Variants in AARS2 observed in about 807,000 individuals in gnomAD.
AARS2 encodes alanyl-tRNA synthetase 2, mitochondrial.
AARS2 carries 78 observed loss-of-function variants against 119.7 expected under a neutral mutation model. The ratio of observed to expected loss-of-function variants is 0.65; its 90% confidence interval spans 0.54 to 0.79. The LOEUF (loss-of-function observed/expected upper bound fraction) is 0.79, where lower values mean the gene tolerates loss of function less well. Ranked by LOEUF, AARS2 falls within the 30% of genes least tolerant of loss-of-function variation. The probability of loss-of-function intolerance (pLI) is 0.00; values close to 1 mark genes in which losing one functional copy is unlikely to be tolerated. For synonymous variants in AARS2, 502 were observed against 526.3 expected (o/e 0.95, Z 0.63); for missense variants, 1,157 against 1,291.3 (o/e 0.90, Z 1.59).
At chr6:44,306,436 AG>A in intron 8 of AARS2, 45 bp from the exon 9 acceptor site, 1 of 1,613,872 alleles carries the variant, frequency 6.2e-7, no homozygotes, top group Non-Finnish European at 8.5e-7. Context: ...CCTTGGAAGG[AG>A]GGTCTCTCTC....
rs756151860 is a variant in AARS2 at position 44,311,147 on chromosome 6, C to G, written c.596G>C (p.Arg199Pro). 6.2e-7 allele frequency: 1 copy of G among 1,614,006 alleles called. No homozygotes were observed. The change falls in exon 4 of 22, where the codon CGT becomes CCT. Residue 199 changes from arginine (R) to proline (P), a missense_variant. Arg to Pro is a moderately radical substitution (Grantham distance 103, BLOSUM62 -2). Transcript: ENST00000244571. ...CTCTTGTGGTCCAAAGGAAAGCACA[C>G]GGCTAGCAGGCACCCTGGGGAGAAA... ...IWLSLGVPAS[R>P]VLSFGPQENF...
Position 44,302,405 on chromosome 6 carries a change from C to T in AARS2, c.2473G>A (p.Gly825Arg). ...GTGGCCCTCACTTCAATGAGTCGTC[C>T]TATGTCCTTGGACAGCCTCAGTGCC... ...AEALRLSKDIGRLIEAVETAV... is the reference protein window; with the variant it reads ...AEALRLSKDIRRLIEAVETAV... The change falls in exon 18 of 22, where the codon GGA becomes AGA. Residue 825 changes from glycine (G) to arginine (R), a missense_variant. By Grantham distance (125) the Gly-to-Arg change is moderately radical. Transcript: ENST00000244571. The T allele has an allele frequency of 6.2e-7, 1 of 1,614,132 alleles. No individual in the cohort carries two copies. The highest frequency in any genetic ancestry group is 8.5e-7 in the Non-Finnish European group (1 of 1,180,014).
In AARS2 at chr6:44,302,050, C is replaced by T. The variant is rs748931933; in HGVS notation, c.2598+10G>A. ...TCTGGGCACATGGGTGCAGCCAAAC[C>T]TCCTCTCACCTGTCCCATTTGCAGC... On this transcript the variant is annotated intron_variant, in intron 19 of 21. Transcript: ENST00000244571. 1.7e-5 allele frequency: 28 copies of T among 1,613,512 alleles called. No individual in the cohort carries two copies. Among genetic ancestry groups the T allele is most frequent in the Non-Finnish European group, 2.1e-5 (25 of 1,179,822 alleles).
In AARS2 at chr6:44,305,275, C is replaced by G. The variant is rs1352373699; in HGVS notation, c.1435-77G>C. 6.3e-6 allele frequency: 10 copies of G among 1,583,974 alleles called. No homozygotes were observed. The highest frequency in any genetic ancestry group is 7.7e-6 in the Non-Finnish European group (9 of 1,167,334). The stretch of plus-strand genomic sequence containing the variant: ...AAGTGGGACTTCAGCCTCGCAGGGC[C>G]CTGTCCCTGCCACACAGCTGTGGAC... On this transcript the variant is annotated intron_variant, in intron 10 of 21. Coordinates refer to ENST00000244571, the MANE Select transcript of AARS2 (RefSeq NM_020745.4). This position sits in a 1 kb window ranked among gnomAD's most constrained non-coding sequence, Gnocchi z 4.6.
At chr6:44,310,578 C>A in intron 4 of AARS2, 135 bp from the exon 5 acceptor site, 1 of 1,139,318 alleles carries the variant, frequency 8.8e-7, no homozygotes, top group Non-Finnish European at 1.3e-6. Flanking sequence ...CAGTATCTTC[C>A]CCTGCCACCC....
In AARS2 at chr6:44,305,708, T is replaced by C. The variant is rs757878395; in HGVS notation, c.1379A>G (p.Lys460Arg). ...TCCAGCGGAGTCTAGCTGGACCCCTTTCTCCTCCAGCATCAGCTCTACCAT... is the reference window on the plus strand; with the variant it reads ...TCCAGCGGAGTCTAGCTGGACCCCTCTCTCCTCCAGCATCAGCTCTACCAT... ...LDMVELMLEEKGVQLDSAGLE... is the reference protein window; with the variant it reads ...LDMVELMLEERGVQLDSAGLE... The change falls in exon 10 of 22, where the codon AAA (lysine) becomes AGA (arginine). Residue 460 changes from lysine (K) to arginine (R), a missense_variant. Lys to Arg is a conservative substitution (Grantham distance 26, BLOSUM62 2). Transcript: ENST00000244571. The surrounding 1 kb of genome is among the most constrained non-coding windows in gnomAD (Gnocchi z 4.6). 3.7e-6 allele frequency: 6 copies of C among 1,614,088 alleles called. No individual in the cohort carries two copies. The Admixed American group carries it at 5.0e-5, about 13-fold the overall frequency.
In AARS2 at chr6:44,301,268, T is replaced by C; in HGVS notation, c.2683-2A>G. The stretch of plus-strand genomic sequence containing the variant: ...CTGCCGTACCACCTTCACCAGCACC[T>C]GGACCACGAAAGACAGATGGTGAGC... On this transcript the variant is annotated splice_acceptor_variant, in intron 20 of 21. Transcript: ENST00000244571. LOFTEE classifies it high-confidence loss of function. 6.2e-7 allele frequency: 1 copy of C among 1,613,936 alleles called. No homozygotes were observed. The highest frequency in any genetic ancestry group is 8.5e-7 in the Non-Finnish European group (1 of 1,179,974).
Position 44,311,165 on chromosome 6 carries a change from G to A in AARS2, c.582-4C>T. On this transcript the variant is annotated splice_polypyrimidine_tract_variant and splice_region_variant and intron_variant, in intron 3 of 21. Coordinates refer to ENST00000244571, the MANE Select transcript of AARS2 (RefSeq NM_020745.4). Reference sequence around the variant, plus strand: ...AAGCACACGGCTAGCAGGCACCCTGGGGAGAAAAGCAGGTGAGTGGTGGGA... The same window carrying A: ...AAGCACACGGCTAGCAGGCACCCTGAGGAGAAAAGCAGGTGAGTGGTGGGA... 1 of 1,614,068 alleles carries A rather than the reference G, an allele frequency of 6.2e-7. No individual in the cohort carries two copies. The highest frequency in any genetic ancestry group is 8.5e-7 in the Non-Finnish European group (1 of 1,180,030).
Position 44,307,096 on chromosome 6 carries a change from G to A in AARS2, c.1041-65C>T. ...TCATGGTCAGCAATATGGGGAGTGG[G>A]AAGGACGAGGTCCAGTGTGTGCTCC... On this transcript the variant is annotated intron_variant, in intron 6 of 21. Coordinates refer to ENST00000244571, the MANE Select transcript of AARS2 (RefSeq NM_020745.4). This position sits in a 1 kb window ranked among gnomAD's most constrained non-coding sequence, Gnocchi z 4.4. The A allele has an allele frequency of 6.3e-7, 1 of 1,598,486 alleles. No homozygotes were observed. The highest frequency in any genetic ancestry group is 8.6e-7 in the Non-Finnish European group (1 of 1,168,074).
At position 44,302,496 on chromosome 6, in the gene AARS2, C is replaced by G. The variant is rs1785444203; in HGVS notation, c.2382G>C (p.Gln794His). Reference protein sequence around the residue: ...EQAQQARELGQSLAQEVKAAT... With the variant: ...EQAQQARELGHSLAQEVKAAT... ...CCGCTTTCACTTCCTGGGCCAGGCT[C>G]TGGCCTAGCTCTCGGGCCTGCAGGG... Residue 794 changes from glutamine to histidine, a missense_variant, in exon 18 of 22, where the codon CAG becomes CAC. Gln to His is a conservative substitution (Grantham distance 24). Transcript: ENST00000244571. 6.2e-7 allele frequency: 1 copy of G among 1,614,076 alleles called. No individual in the cohort carries two copies. The highest frequency in any genetic ancestry group is 8.5e-7 in the Non-Finnish European group (1 of 1,180,020).
Position 44,307,197 on chromosome 6 carries a change from C to T in AARS2, c.1040+52G>A, listed in dbSNP as rs545525777. ...CACCTCTCCTGTTCCCTCCCTCCTC[C>T]ACCTGAGACCCCCAGCAGCCCCTGT... is the stretch of plus-strand genomic sequence containing the variant. On this transcript the variant is annotated intron_variant, in intron 6 of 21. Coordinates refer to ENST00000244571, the MANE Select transcript of AARS2 (RefSeq NM_020745.4). The surrounding 1 kb of genome is among the most constrained non-coding windows in gnomAD (Gnocchi z 4.4). 6 of 1,612,920 alleles carry T rather than the reference C, an allele frequency of 3.7e-6. No homozygotes were observed. The South Asian group carries it at 4.4e-5, about 12-fold the overall frequency.
At chr6:44,309,979 C>T (rs1484922966) in intron 5 of AARS2, among the ~76,000 whole-genome samples, 1 of 152,178 alleles carries the variant, frequency 6.6e-6, no homozygotes, top group South Asian at 2.1e-4. Context: ...TATTGATTGT[C>T]TATCTCTCAT....
chr6:44,306,622 C>A, intron 7 of AARS2, 90 bp from the exon 8 acceptor site: 1 of 1,463,360 alleles, frequency 6.8e-7, no homozygotes, highest in Admixed American at 1.7e-5. Flanking sequence ...GACACCTGCC[C>A]TGGAGGCTCA....
Position 44,305,281 on chromosome 6 carries a change from C to T in AARS2, c.1435-83G>A, listed in dbSNP as rs1015737896. The T allele has an allele frequency of 2.8e-5, 45 of 1,579,306 alleles. No homozygotes were observed. Among genetic ancestry groups the T allele is most frequent in the Non-Finnish European group, 3.8e-5 (44 of 1,163,168 alleles). ...GACTTCAGCCTCGCAGGGCCCTGTC[C>T]CTGCCACACAGCTGTGGACTCTGCA... On this transcript the variant is annotated intron_variant, in intron 10 of 21. Transcript: ENST00000244571. This position sits in a 1 kb window ranked among gnomAD's most constrained non-coding sequence, Gnocchi z 4.6.
chr6:44,301,178 AG>A lies in AARS2; in HGVS notation c.2770del (p.Leu924CysfsTer53). 1 of 1,613,654 alleles carries A rather than the reference AG, an allele frequency of 6.2e-7. No homozygotes were observed. Among genetic ancestry groups the A allele is most frequent in the Non-Finnish European group, 8.5e-7 (1 of 1,179,926 alleles). On this transcript the variant is annotated frameshift_variant, in exon 21 of 22. Transcript: ENST00000244571. LOFTEE classifies it high-confidence loss of function. ...LLSPQPMGKV[L>X]CACQVAQGAM... is the part of the protein sequence containing the mutation. ...CACCTGGGCCACCTGACAGGCACACAGCACCTTCCCCATGGGCTGGGGGCTG... is the reference window on the plus strand; with the variant it reads ...CACCTGGGCCACCTGACAGGCACACACACCTTCCCCATGGGCTGGGGGCTG...
chr6:44,301,073 G>GT, intron 21 of AARS2, 83 bp downstream of exon 21: 1 of 882,776 alleles, frequency 1.1e-6, no homozygotes, highest in Non-Finnish European at 1.7e-6. Context: ...GCCCCTTTGG[G>GT]AGGAATTAAA....
Position 44,302,136 on chromosome 6 carries a change from C to T in AARS2, c.2522G>A (p.Arg841Gln), listed in dbSNP as rs536706421. 96 of 1,613,948 alleles carry T rather than the reference C, an allele frequency of 5.9e-5. No individual in the cohort carries two copies. The East Asian group carries it at 1.8e-3, about 31-fold the overall frequency. ...VETAVMPQWQ[R>Q]RELLATVKML... is the part of the protein sequence containing the mutation. The stretch of plus-strand genomic sequence containing the variant: ...CTTCACTGTGGCCAGCAGCTCCCGC[C>T]GCTGCCACTGGGGCATCACAGCAGT... The change falls in exon 19 of 22, where the codon CGG (arginine) becomes CAG (glutamine). Residue 841 changes from arginine (R) to glutamine (Q), a missense_variant. Transcript: ENST00000244571.
chr6:44,310,193 C>T, intron 5 of AARS2, 106 bp downstream of exon 5: 1 of 1,450,448 alleles, frequency 6.9e-7, no homozygotes, highest in Non-Finnish European at 9.5e-7. Flanking sequence ...GGTTATTGTC[C>T]TCAGATGCTG....
At position 44,306,333 on chromosome 6, in the gene AARS2, C is replaced by T; in HGVS notation, c.1247G>A (p.Arg416Lys). The T allele has an allele frequency of 6.2e-7, 1 of 1,614,166 alleles. No individual in the cohort carries two copies. Among genetic ancestry groups the T allele is most frequent in the Non-Finnish European group, 8.5e-7 (1 of 1,180,014 alleles). The change falls in exon 9 of 22, where the codon AGG becomes AAG. Residue 416 changes from arginine (R) to lysine (K), a missense_variant. Coordinates refer to ENST00000244571, the MANE Select transcript of AARS2 (RefSeq NM_020745.4). ...AAFLASLERGRRIIDRTLRTL... is the reference protein window; with the variant it reads ...AAFLASLERGKRIIDRTLRTL... ...CCTCAGAGTCCGATCAATGATCCGC[C>T]TACCCCGCTCCAGGGAGGCCAGGAA...
Sources: allele counts gnomAD v4.1 joint callset (sites outside exome capture counted in the v4.1 genomes callset), GRCh38; gene constraint gnomAD v4.1.1; non-coding constraint Gnocchi (gnomAD v3.1); transcripts MANE v1.5; gene names NCBI Gene and HGNC (gene_info 2026-07-23, HGNC 2026-07-21).